Variants in FER1L6 observed in about 807,000 individuals in gnomAD.
FER1L6 encodes the protein fer-1-like protein 6.
FER1L6 carries 177 observed loss-of-function variants against 219.2 expected under a neutral mutation model. That is an observed-to-expected ratio of 0.81 (90% CI 0.71 to 0.91). FER1L6 has a LOEUF of 0.91. Among genes scored for constraint, FER1L6 ranks in the 40% least tolerant of loss-of-function variants. The pLI, the probability that FER1L6 is intolerant of heterozygous loss-of-function variation, is 0.00. For synonymous variants in FER1L6, 768 were observed against 824.3 expected (o/e 0.93, Z 1.17); for missense variants, 2,153 against 2,259.9 (o/e 0.95, Z 0.96).
chr8:123,976,200 T>C, intron 9 of FER1L6, 116 bp downstream of exon 9: 1 of 935,928 alleles, frequency 1.1e-6, no homozygotes, highest in East Asian at 2.7e-5. Flanking sequence ...AAGCAAAAGC[T>C]TGTTACAAAA....
chr8:123,983,251 T>C (rs1458003787), intron 11 of FER1L6, among the ~76,000 whole-genome samples: 2 of 152,036 alleles, frequency 1.3e-5, no homozygotes, highest in Non-Finnish European at 2.9e-5. Context: ...TCATTGCCCA[T>C]CTGGACAGTT....
intron 1 of FER1L6, among the ~76,000 whole-genome samples, chr8:123,885,113 G>C (rs1817177169): frequency 6.6e-6 from 1 of 152,194 alleles, no homozygotes; most frequent in East Asian, 1.9e-4. Context: ...AAGTGAGAAA[G>C]AGGGGAGAGG....
chr8:123,948,387 TG>T (rs1266473605), intron 1 of FER1L6, among the ~76,000 whole-genome samples: 1 of 152,238 alleles, frequency 6.6e-6, no homozygotes, highest in Non-Finnish European at 1.5e-5. Flanking sequence ...GTGTATGAAT[TG>T]AAAATTTTTG....
chr8:123,996,029 T>C (rs1319123015), intron 12 of FER1L6, among the ~76,000 whole-genome samples: 1 of 152,228 alleles, frequency 6.6e-6, no homozygotes, highest in African/African-American at 2.4e-5. Context: ...ATACTTGATA[T>C]AATTTTAATT....
intron 1 of FER1L6, among the ~76,000 whole-genome samples, chr8:123,867,429 C>T (rs1157224007): frequency 1.3e-5 from 2 of 152,186 alleles, no homozygotes; most frequent in Non-Finnish European, 2.9e-5. Context: ...AATTCCAGTG[C>T]CTGACTCTGA....
intron 18 of FER1L6, 129 bp downstream of exon 18, chr8:124,023,725 C>A: frequency 1.1e-6 from 1 of 911,102 alleles, no homozygotes; most frequent in Non-Finnish European, 1.6e-6. Context: ...ACAACTAGAA[C>A]ACCTTGGTGC....
At chr8:124,013,691 C>G (rs970738521) in intron 15 of FER1L6, 160 bp downstream of exon 15, 1 of 454,702 alleles carries the variant, frequency 2.2e-6, no homozygotes, top group Non-Finnish European at 3.9e-6. Context: ...TGCTTGTGGA[C>G]TAACTATTGC....
Position 123,853,091 on chromosome 8 carries a change from G to A in FER1L6, c.-8+906G>A, listed in dbSNP as rs751842401. 4.6e-5 allele frequency among the ~76,000 whole-genome samples: 7 copies of A among 152,166 alleles called. No individual in the cohort carries two copies. Among genetic ancestry groups the A allele is most frequent in the Admixed American group, 1.3e-4 (2 of 15,286 alleles). ...ACTCCTGGGCTCAAGCGATCCTCCTGCCTCAGCCTTCCAAAGTGCTCGGAT... is the reference window on the plus strand; with the variant it reads ...ACTCCTGGGCTCAAGCGATCCTCCTACCTCAGCCTTCCAAAGTGCTCGGAT... On this transcript the variant is annotated intron_variant, in intron 1 of 40. Transcript: ENST00000522917. This position sits in a 1 kb window ranked among gnomAD's most constrained non-coding sequence, Gnocchi z 6.6.
chr8:123,859,188 A>G (rs1816701614), intron 1 of FER1L6, among the ~76,000 whole-genome samples: 1 of 152,094 alleles, frequency 6.6e-6, no homozygotes, highest in Non-Finnish European at 1.5e-5. Context: ...TTTGGTAGAC[A>G]TGGGGTTTTG....
intron 37 of FER1L6, among the ~76,000 whole-genome samples, chr8:124,100,432 C>T (rs1270735029): frequency 6.6e-6 from 1 of 152,136 alleles, no homozygotes; most frequent in African/African-American, 2.4e-5. Flanking sequence ...TAATTGCTTC[C>T]AGTGTACAGA....
At chr8:124,090,729 G>C (rs1821994677) in intron 33 of FER1L6, among the ~76,000 whole-genome samples, 1 of 152,126 alleles carries the variant, frequency 6.6e-6, no homozygotes, top group Admixed American at 6.5e-5. Context: ...TAACCAAACA[G>C]CTAGTTTTTA....
At chr8:123,962,103 A>C (rs1815314935) in intron 2 of FER1L6, among the ~76,000 whole-genome samples, 1 of 151,866 alleles carries the variant, frequency 6.6e-6, no homozygotes, top group African/African-American at 2.4e-5. Context: ...GTTAGCCAGG[A>C]TGGTCTCGAT....
chr8:124,045,374 C>T (rs1819680646), intron 20 of FER1L6, among the ~76,000 whole-genome samples: 1 of 152,182 alleles, frequency 6.6e-6, no homozygotes, highest in Non-Finnish European at 1.5e-5. Context: ...ATAACTGAAC[C>T]TACCTCCCAG....
At chr8:123,995,307 C>G (rs1563731704) in intron 12 of FER1L6, among the ~76,000 whole-genome samples, 2 of 152,154 alleles carry the variant, frequency 1.3e-5, no homozygotes, top group Non-Finnish European at 2.9e-5. Context: ...GGGTCCTGGA[C>G]TTTTCTTTGT....
intron 1 of FER1L6, among the ~76,000 whole-genome samples, chr8:123,955,500 G>A (rs1586511705): frequency 6.6e-6 from 1 of 152,200 alleles, no homozygotes; most frequent in African/African-American, 2.4e-5. Flanking sequence ...TGGCTGCCCA[G>A]TGGTTAGACC....
intron 1 of FER1L6, among the ~76,000 whole-genome samples, chr8:123,898,830 T>TATACATACATATGTGTATATAG (rs1812807866): frequency 7.4e-6 from 1 of 135,430 alleles, no homozygotes; most frequent in African/African-American, 2.7e-5. Flanking sequence ...TGTGTATATA[T>TATACATACATATGTGTATATAG]ATATATACAT....
rs368106534 is a variant in FER1L6 at position 123,894,311 on chromosome 8, T to A, written c.-8+42126T>A. Among the ~76,000 whole-genome samples the A allele has an allele frequency of 7.2e-5, 11 of 152,326 alleles. No individual in the cohort carries two copies. In the South Asian group the frequency reaches 2.3e-3, roughly 32 times the overall value. On this transcript the variant is annotated intron_variant, in intron 1 of 40. Transcript: ENST00000522917. ...CATTTCTTGCCTACTATATAAACCC[T>A]TAATTTTAGTTGGTCAGGAAGATGG... is the stretch of plus-strand genomic sequence containing the variant.
intron 39 of FER1L6, 60 bp downstream of exon 39, chr8:124,103,369 CACT>C: frequency 2.0e-6 from 3 of 1,524,066 alleles, no homozygotes; most frequent in Non-Finnish European, 2.7e-6. Context: ...CATGCTTTTC[CACT>C]GAGTCATTTT....
At chr8:123,902,102 T>A (rs767238038) in intron 1 of FER1L6, among the ~76,000 whole-genome samples, 3 of 152,202 alleles carry the variant, frequency 2.0e-5, no homozygotes, top group Admixed American at 6.5e-5. Flanking sequence ...AATTTCCATA[T>A]ATTTGGATGA....
Sources: allele counts gnomAD v4.1 joint callset (sites outside exome capture counted in the v4.1 genomes callset), GRCh38; gene constraint gnomAD v4.1.1; non-coding constraint Gnocchi (gnomAD v3.1); transcripts MANE v1.5; gene names NCBI Gene and HGNC (gene_info 2026-07-23, HGNC 2026-07-21).